Variants in TAF1C observed in about 807,000 individuals in gnomAD.
The protein encoded by TAF1C is TATA-box binding protein associated factor, RNA polymerase I subunit C, also known as TATA box-binding protein-associated factor RNA polymerase I subunit C.
A neutral mutation model predicts 70.5 loss-of-function variants in TAF1C; 79 were observed. That is an observed-to-expected ratio of 1.12 (90% CI 0.93 to 1.35). The LOEUF is 1.35. Among genes scored for constraint, TAF1C ranks in the 40% most tolerant of loss-of-function variants. The probability of loss-of-function intolerance (pLI) is 0.00; values close to 1 mark genes in which losing one functional copy is unlikely to be tolerated. For synonymous variants in TAF1C, 614 were observed against 491.1 expected, an observed-to-expected ratio of 1.25 and a Z score of -3.31; for missense variants, 1,412 against 1,127.8, an observed-to-expected ratio of 1.25 and a Z score of -3.61.
rs527787323 is a variant in TAF1C, at chr16:84,178,220, C to G, written c.*721G>C. 1 of 409,190 alleles carries G rather than the reference C, an allele frequency of 2.4e-6. No homozygotes were observed. The highest frequency in any genetic ancestry group is 4.9e-6 in the Non-Finnish European group (1 of 202,756). 25.3% of individuals were successfully genotyped at this position (409,190 alleles called of 1,614,324 possible). A position where few individuals can be genotyped will look rare whatever the true frequency, so the allele number is the denominator to read the frequency against. On this transcript the variant is annotated 3_prime_UTR_variant, in exon 15 of 15. Coordinates refer to ENST00000566732, the MANE Select transcript of TAF1C (RefSeq NM_001243156.2). ...GAGAATTCCCCCAAACTGACATGAC[C>G]GTGACCCTCTGCTCAGAGGGCACTA...
At position 84,183,226 on chromosome 16, in the gene TAF1C, G is replaced by C. The variant is rs2089299440; in HGVS notation, c.408+18C>G. ...GGACAGCAGGGAGTCCCCACCCCTG[G>C]AGTCACGGGCCACTCACCCCCGCTC... On this transcript the variant is annotated intron_variant, in intron 5 of 14. Transcript: ENST00000566732. 3 of 1,613,944 alleles carry C rather than the reference G, an allele frequency of 1.9e-6. No individual in the cohort carries two copies. Among genetic ancestry groups the C allele is most frequent in the East Asian group, 4.5e-5 (2 of 44,870 alleles).
chr16:84,181,767 C>G lies in TAF1C; in HGVS notation c.935G>C (p.Gly312Ala). ...TLLQAMQVEK[G>A]ATGISLSPHL... ...TCACCTGAGGCTGATCCCCGTGGCC[C>G]CTTTCTCCACCTGCATTGCCTGCAG... The change falls in exon 9 of 15, where the codon GGG (glycine) becomes GCG (alanine). Residue 312 changes from glycine to alanine, a missense_variant. Gly to Ala is a moderately conservative substitution (Grantham distance 60). Transcript: ENST00000566732. 2 of 1,614,108 alleles carry G rather than the reference C, an allele frequency of 1.2e-6. No individual in the cohort carries two copies. The highest frequency in any genetic ancestry group is 1.7e-6 in the Non-Finnish European group (2 of 1,179,986).
chr16:84,180,384 G>A (rs1300446514), intron 12 of TAF1C, 40 bp from the exon 13 acceptor site: 2 of 1,526,560 alleles, frequency 1.3e-6, no homozygotes, highest in Non-Finnish European at 1.7e-6. Context: ...CCGAACTTGG[G>A]AGCTGAGCTG....
At chr16:84,186,412 G>A (rs966625345) in intron 1 of TAF1C, among the ~76,000 whole-genome samples, 1 of 152,146 alleles carries the variant, frequency 6.6e-6, no homozygotes, top group East Asian at 1.9e-4. Flanking sequence ...AAATTAGCCG[G>A]GCGTGGTGGT....
At chr16:84,186,653 A>C (rs1022081700) in intron 1 of TAF1C, among the ~76,000 whole-genome samples, 4 of 152,222 alleles carry the variant, frequency 2.6e-5, no homozygotes, top group African/African-American at 9.6e-5. Context: ...ACCCCACAAA[A>C]GCCCTCAGAC....
Position 84,181,087 on chromosome 16 carries a change from T to C in TAF1C, c.1264A>G (p.Ser422Gly). The C allele has an allele frequency of 1.9e-6, 3 of 1,612,650 alleles. No homozygotes were observed. Among genetic ancestry groups the C allele is most frequent in the South Asian group, 1.1e-5 (1 of 91,058 alleles). ...AGAGTAGGGGGGAGGCATTTGGGGC[T>C]GGAGTGCCCCAGGTACTGGGTAAGC... ...VLLTQYLGHS[S>G]PKCLPPTLHL... is the part of the protein sequence containing the mutation. The change falls in exon 12 of 15, where the codon AGC becomes GGC. Residue 422 changes from serine to glycine, a missense_variant. By Grantham distance (56) the Ser-to-Gly change is moderately conservative. Transcript: ENST00000566732.
chr16:84,178,513 T>C lies in TAF1C; in HGVS notation c.*428A>G. On this transcript the variant is annotated 3_prime_UTR_variant, in exon 15 of 15. Coordinates refer to ENST00000566732, the MANE Select transcript of TAF1C (RefSeq NM_001243156.2). ...GCTGCCAACGGCCGCTGTGCCCACC[T>C]CATCAGCAGCTCTGCAGGGGCCTCA... is the stretch of plus-strand genomic sequence containing the variant. The C allele has an allele frequency of 2.2e-6, 1 of 461,496 alleles. No homozygotes were observed. The highest frequency in any genetic ancestry group is 4.3e-6 in the Non-Finnish European group (1 of 231,894). 28.6% of individuals were successfully genotyped at this position (461,496 alleles called of 1,614,324 possible). A position where few individuals can be genotyped will look rare whatever the true frequency, so the allele number is the denominator to read the frequency against.
At chr16:84,183,855 TCTTATCAA>T in intron 2 of TAF1C, 77 bp from the exon 3 acceptor site, 1 of 1,069,196 alleles carries the variant, frequency 9.4e-7, no homozygotes, top group Non-Finnish European at 1.4e-6. Flanking sequence ...GGCATTCATC[TCTTATCAA>T]CTCATCCAAT....
intron 1 of TAF1C, 95 bp from the exon 2 acceptor site, chr16:84,185,155 G>C: frequency 1.2e-6 from 1 of 822,080 alleles, no homozygotes; most frequent in Non-Finnish European, 1.8e-6. Flanking sequence ...GCAGTAGTGA[G>C]AACTGTATTA....
intron 12 of TAF1C, chr16:84,180,823 C>G: frequency 8.8e-6 from 12 of 1,370,736 alleles, no homozygotes; most frequent in Non-Finnish European, 1.1e-5. Flanking sequence ...GGCTGCACCT[C>G]GAAGCTCTAC....
Position 84,179,729 on chromosome 16 carries a change from G to A in TAF1C, c.1744C>T (p.Arg582Cys), listed in dbSNP as rs1009816788. 18 of 1,611,732 alleles carry A rather than the reference G, an allele frequency of 1.1e-5. No individual in the cohort carries two copies. The highest frequency in any genetic ancestry group is 1.3e-5 in the African/African-American group (1 of 74,908). Residue 582 changes from arginine (R) to cysteine (C), a missense_variant, in exon 15 of 15, where the codon CGC (arginine) becomes TGC (cysteine). Arg to Cys is a radical substitution (Grantham distance 180). Transcript: ENST00000566732. ...TCGCCAGGAGGCCCAGCATCTCTGC[G>A]GAGGCTGGAGTCCACCTGGGGGCGG... ...QLRPQVDSSL[R>C]RDAGPPGDTQ...
At chr16:84,181,905 A>G in intron 8 of TAF1C, 37 bp downstream of exon 8, 1 of 1,614,158 alleles carries the variant, frequency 6.2e-7, no homozygotes. Flanking sequence ...GTAGCAGGTC[A>G]GCCAGTGAGG....
rs947350986 is a variant in TAF1C, at chr16:84,178,878, C to T, written c.*63G>A. 16 of 1,491,790 alleles carry T rather than the reference C, an allele frequency of 1.1e-5. No individual in the cohort carries two copies. The highest frequency in any genetic ancestry group is 1.3e-5 in the Non-Finnish European group (15 of 1,117,306). 92.4% of individuals were successfully genotyped at this position (1,491,790 alleles called of 1,614,324 possible). ...TCTCAAGTTTCAACTGTGGAAGGCA[C>T]ATCTGGTCCCAGAGGAAGGATGAGG... On this transcript the variant is annotated 3_prime_UTR_variant, in exon 15 of 15. Coordinates refer to ENST00000566732, the MANE Select transcript of TAF1C (RefSeq NM_001243156.2).
At chr16:84,184,609 G>T (rs925195566) in intron 2 of TAF1C, among the ~76,000 whole-genome samples, 2 of 152,198 alleles carry the variant, frequency 1.3e-5, no homozygotes, top group Admixed American at 1.3e-4. Flanking sequence ...GAAGGGAGGG[G>T]TCAACCGACT....
rs373042435 is a variant in TAF1C at position 84,179,305 on chromosome 16, C to T, written c.2168G>A (p.Arg723Gln). The T allele has an allele frequency of 4.1e-5, 66 of 1,597,310 alleles. No homozygotes were observed. Among genetic ancestry groups the T allele is most frequent in the Middle Eastern group, 1.7e-4 (1 of 6,024 alleles). The change falls in exon 15 of 15, where the codon CGG becomes CAG. Residue 723 changes from arginine (R) to glutamine (Q), a missense_variant. Arg to Gln is a conservative substitution (Grantham distance 43). Coordinates refer to ENST00000566732, the MANE Select transcript of TAF1C (RefSeq NM_001243156.2). ...GGACAGCTGGGTCCGGCGCTTGGGC[C>T]GCCTGGTCTGTCTCCCGGGCTCCGA... ...RTSEPGRQTR[R>Q]PKRRTQLSSS...
In TAF1C at chr16:84,177,992, A is replaced by C. The variant is rs1350877453; in HGVS notation, c.*949T>G. The C allele has an allele frequency of 1.4e-6, 1 of 709,900 alleles. No individual in the cohort carries two copies. The highest frequency in any genetic ancestry group is 2.5e-6 in the Non-Finnish European group (1 of 398,878). 44.0% of individuals were successfully genotyped at this position (709,900 alleles called of 1,614,324 possible). On this transcript the variant is annotated 3_prime_UTR_variant, in exon 15 of 15. Transcript: ENST00000566732. ...GCAATTCCTTTCACCAGCCAACCTG[A>C]AAAAAGACCTTTCTCTTACTATGTC...
intron 1 of TAF1C, among the ~76,000 whole-genome samples, chr16:84,186,145 T>C (rs2089474467): frequency 6.6e-6 from 1 of 152,248 alleles, no homozygotes; most frequent in African/African-American, 2.4e-5. Context: ...CCAACAGCTC[T>C]TAGCTGCCAC....
At position 84,182,572 on chromosome 16, in the gene TAF1C, A is replaced by G; in HGVS notation, c.483-132T>C. 1.2e-6 allele frequency: 1 copy of G among 839,390 alleles called. No individual in the cohort carries two copies. Among genetic ancestry groups the G allele is most frequent in the South Asian group, 1.8e-5 (1 of 55,930 alleles). 52.0% of individuals were successfully genotyped at this position (839,390 alleles called of 1,614,324 possible). A position where few individuals can be genotyped will look rare whatever the true frequency, so the allele number is the denominator to read the frequency against. On this transcript the variant is annotated intron_variant, in intron 6 of 14. Transcript: ENST00000566732. The surrounding 1 kb of genome is among the most constrained non-coding windows in gnomAD (Gnocchi z 5.0). ...ATTTCTTCCTTTGGGAGACCACCCC[A>G]TCCTGTTCCCATGCCCCGGAAGCAA...
rs4150186 is a variant in TAF1C, at chr16:84,177,908, T to C, written c.*1033A>G. On this transcript the variant is annotated 3_prime_UTR_variant, in exon 15 of 15. Transcript: ENST00000566732. ...TGTCTCCCTTAGGCATGATAAACAT[T>C]TTAACACCCACGCGAGTCAGTGTAT... 1,687 of 1,331,770 alleles carry C rather than the reference T, an allele frequency of 1.3e-3. 23 individuals are homozygous for C. In the African/African-American group the frequency reaches 0.021, roughly 17 times the overall value. The allele number at this position is 1,331,770 out of a possible 1,614,324, so 82.5% of individuals were successfully genotyped here.
Sources: allele counts gnomAD v4.1 joint callset (sites outside exome capture counted in the v4.1 genomes callset), GRCh38; gene constraint gnomAD v4.1.1; non-coding constraint Gnocchi (gnomAD v3.1); transcripts MANE v1.5; gene names NCBI Gene and HGNC (gene_info 2026-07-23, HGNC 2026-07-21).